ARHGEF16: variants seen among roughly 807,000 people sequenced by gnomAD.
ARHGEF16 encodes Rho guanine exchange factor (GEF) 16.
In ARHGEF16, 59 loss-of-function variants were observed where a neutral mutation model predicts 74.1. The observed-to-expected ratio is 0.80, with a 90% confidence interval of 0.65 to 0.99. The LOEUF (loss-of-function observed/expected upper bound fraction) is 0.99. Ranked by LOEUF, ARHGEF16 falls within the 50% of genes least tolerant of loss-of-function variation. The pLI is 0.00. For missense variants in ARHGEF16, 948 were observed against 986.6 expected (o/e 0.96, Z 0.52); for synonymous variants, 415 against 412.6 (o/e 1.01, Z -0.07).
Position 3,467,257 on chromosome 1 carries a change from G to C in ARHGEF16, c.724G>C (p.Glu242Gln). The part of the protein sequence containing the change: ...DDILDESSSP[E>Q]GTQKVDATIV... ...CATCCTCGATGAGTCCTCCAGCCCC[G>C]AGGGAACCCAGAAGGTGGACGCCAC... The change falls in exon 4 of 15, where the codon GAG (glutamate) becomes CAG (glutamine). Residue 242 changes from glutamate to glutamine, a missense_variant. Transcript: ENST00000378378. 6.4e-7 allele frequency: 1 copy of C among 1,550,468 alleles called. No individual in the cohort carries two copies. The highest frequency in any genetic ancestry group is 8.7e-7 in the Non-Finnish European group (1 of 1,146,886).
chr1:3,479,403 C>T (rs1639991318), intron 12 of ARHGEF16, 114 bp from the exon 13 acceptor site: 2 of 1,096,082 alleles, frequency 1.8e-6, no homozygotes, highest in East Asian at 2.7e-5. Flanking sequence ...CCTGCCCACC[C>T]CCACCACCCC....
At chr1:3,469,201 T>C (rs1639634824) in intron 5 of ARHGEF16, among the ~76,000 whole-genome samples, 1 of 151,628 alleles carries the variant, frequency 6.6e-6, no homozygotes, top group Admixed American at 6.6e-5. Context: ...AGGACGGGGG[T>C]CGTTGCCCAG....
In ARHGEF16 at chr1:3,469,528, C is replaced by G. The variant is rs150290426; in HGVS notation, c.957C>G (p.Thr319=). ...TGCAGTCCAAGGAGCTGCGGGCGAC[C>G]GTGACCCAGATGGAGCACCACCACC... is the stretch of plus-strand genomic sequence containing the variant. ...EFLQSKELRA[T]VTQMEHHHLF... is the part of the protein sequence containing the mutation. The change falls in exon 6 of 15, where the codon ACC becomes ACG. Residue 319 remains threonine (T), a synonymous_variant. Coordinates refer to ENST00000378378, the MANE Select transcript of ARHGEF16 (RefSeq NM_014448.4). The G allele has an allele frequency of 6.2e-7, 1 of 1,613,158 alleles. No homozygotes were observed. Among genetic ancestry groups the G allele is most frequent in the Non-Finnish European group, 8.5e-7 (1 of 1,179,984 alleles).
At chr1:3,469,759 G>A (rs1466584021) in intron 6 of ARHGEF16, among the ~76,000 whole-genome samples, 166 bp downstream of exon 6, 1 of 152,232 alleles carries the variant, frequency 6.6e-6, no homozygotes. Context: ...ACCTCTGAGG[G>A]TCCTTGAGGC....
chr1:3,471,699 T>A, intron 6 of ARHGEF16: 1 of 1,238,688 alleles, frequency 8.1e-7, no homozygotes, highest in Admixed American at 2.9e-5. Context: ...ATTGCTGCCC[T>A]GGGGCGGGAA....
At chr1:3,480,060 C>G in intron 14 of ARHGEF16, 147 bp downstream of exon 14, 2 of 749,008 alleles carry the variant, frequency 2.7e-6, no homozygotes, top group African/African-American at 1.7e-5. Context: ...AGGGAGCACT[C>G]CCACATCCCC....
chr1:3,480,103 CTG>C (rs1243421986), intron 14 of ARHGEF16, among the ~76,000 whole-genome samples, 190 bp downstream of exon 14: 5 of 152,248 alleles, frequency 3.3e-5, no homozygotes, highest in Non-Finnish European at 4.4e-5. Context: ...TTCATGGTCA[CTG>C]TGTCCCACGT....
At chr1:3,462,314 C>T (rs948019739) in intron 1 of ARHGEF16, among the ~76,000 whole-genome samples, 2 of 152,154 alleles carry the variant, frequency 1.3e-5, no homozygotes, top group Non-Finnish European at 2.9e-5. Flanking sequence ...AGTTCAGAAA[C>T]GTGGAAAAAT....
intron 1 of ARHGEF16, among the ~76,000 whole-genome samples, chr1:3,455,140 A>G (rs569150185): frequency 2.6e-5 from 4 of 151,968 alleles, no homozygotes; most frequent in African/African-American, 9.7e-5. Flanking sequence ...CTAAAGGAAA[A>G]CTTCCATGCA....
intron 1 of ARHGEF16, among the ~76,000 whole-genome samples, chr1:3,458,142 C>T (rs1639307306): frequency 6.6e-6 from 1 of 152,236 alleles, no homozygotes; most frequent in South Asian, 2.1e-4. Flanking sequence ...GGCATTTGCT[C>T]TTCAGTGTGG....
chr1:3,478,257 A>T (rs1639949673), intron 11 of ARHGEF16, 167 bp from the exon 12 acceptor site: 2 of 926,816 alleles, frequency 2.2e-6, no homozygotes, highest in Non-Finnish European at 3.3e-6. Context: ...CACGAGGAGG[A>T]CTCGAAAGCC....
At chr1:3,477,706 T>A (rs1002229093) in intron 10 of ARHGEF16, among the ~76,000 whole-genome samples, 169 bp from the exon 11 acceptor site, 1 of 151,984 alleles carries the variant, frequency 6.6e-6, no homozygotes, top group Admixed American at 6.5e-5. Context: ...TGTGCCCCTT[T>A]CCTCTGTCCA....
chr1:3,466,540 C>T (rs1247841474), intron 3 of ARHGEF16, among the ~76,000 whole-genome samples: 2 of 152,194 alleles, frequency 1.3e-5, no homozygotes, highest in Admixed American at 6.5e-5. Context: ...CGGCCCCACA[C>T]CGCGGGCTCT....
rs1198267525 is a variant in ARHGEF16 at position 3,454,706 on chromosome 1, A to T, written c.-125A>T. ...AAGCGGAGGAGGCGCCCCGGGCCGGACCGCGCTGCCGCAGGAGCGAAGCGG... is the reference window on the plus strand; with the variant it reads ...AAGCGGAGGAGGCGCCCCGGGCCGGTCCGCGCTGCCGCAGGAGCGAAGCGG... On this transcript the variant is annotated 5_prime_UTR_variant, in exon 1 of 15. Coordinates refer to ENST00000378378, the MANE Select transcript of ARHGEF16 (RefSeq NM_014448.4). 6.6e-6 allele frequency: 1 copy of T among 151,754 alleles called. No individual in the cohort carries two copies. Among genetic ancestry groups the T allele is most frequent in the Non-Finnish European group, 1.5e-5 (1 of 67,952 alleles). 9.4% of individuals were successfully genotyped at this position (151,754 alleles called of 1,614,324 possible).
Position 3,480,709 on chromosome 1 carries a change from A to G in ARHGEF16, c.*122A>G. The G allele has an allele frequency of 7.5e-7, 1 of 1,333,524 alleles. No homozygotes were observed. Among genetic ancestry groups the G allele is most frequent in the South Asian group, 1.4e-5 (1 of 68,966 alleles). The allele number at this position is 1,333,524 out of a possible 1,614,324, so 82.6% of individuals were successfully genotyped here. A position where few individuals can be genotyped will look rare whatever the true frequency, so the allele number is the denominator to read the frequency against. ...CAGCATGGTTCCCTGGGGCTTCCCA[A>G]GAGCCTGTGGCTGTGGTGCCGGGCT... On this transcript the variant is annotated 3_prime_UTR_variant, in exon 15 of 15. Transcript: ENST00000378378.
chr1:3,469,355 T>G (rs994721530), intron 5 of ARHGEF16, 78 bp from the exon 6 acceptor site: 18 of 1,547,142 alleles, frequency 1.2e-5, no homozygotes, highest in Non-Finnish European at 1.5e-5. Context: ...GGTCACGTCC[T>G]CCTGTTCCAA....
At chr1:3,456,927 G>A (rs1019536964) in intron 1 of ARHGEF16, among the ~76,000 whole-genome samples, 15 of 152,214 alleles carry the variant, frequency 9.9e-5, no homozygotes, top group African/African-American at 2.4e-4. Context: ...CGCCCCCACC[G>A]CGCAGGGTGG....
chr1:3,457,077 C>T (rs1639281587), intron 1 of ARHGEF16, among the ~76,000 whole-genome samples: 2 of 152,264 alleles, frequency 1.3e-5, no homozygotes, highest in Non-Finnish European at 2.9e-5. Context: ...GGCAAATGTG[C>T]CCTGGGGGCC....
At chr1:3,459,806 C>T (rs912743845) in intron 1 of ARHGEF16, among the ~76,000 whole-genome samples, 17 of 152,224 alleles carry the variant, frequency 1.1e-4, no homozygotes, top group Middle Eastern at 3.4e-3. Context: ...CGCCTTCTGC[C>T]GGCACAGGCA....
Sources: allele counts gnomAD v4.1 joint callset (sites outside exome capture counted in the v4.1 genomes callset), GRCh38; gene constraint gnomAD v4.1.1; transcripts MANE v1.5; gene names NCBI Gene and HGNC (gene_info 2026-07-23, HGNC 2026-07-21).